The following ZNF425 variants were observed in gnomAD, a reference collection of about 807,000 sequenced individuals.
ZNF425 encodes the protein zinc finger protein 425.
A neutral mutation model predicts 17.0 loss-of-function variants in ZNF425; 21 were observed. The observed-to-expected ratio is 1.23, with a 90% CI of 0.88 to 1.78. ZNF425 has a LOEUF of 1.78. Among genes scored for constraint, ZNF425 ranks in the 40% most tolerant of loss-of-function variants. The probability of loss-of-function intolerance (pLI) is 0.00; values close to 1 mark genes in which losing one functional copy is unlikely to be tolerated. For synonymous variants in ZNF425, 433 were observed against 384.1 expected, an observed-to-expected ratio of 1.13 and a Z score of -1.49; for missense variants, 868 against 967.3, an observed-to-expected ratio of 0.90 and a Z score of 1.36.
At position 149,105,988 on chromosome 7, in the gene ZNF425, C is replaced by T. The variant is rs186395328; in HGVS notation, c.305-422G>A. The stretch of plus-strand genomic sequence containing the variant: ...TTTTTTTTTTTGAGACGGAGTATTA[C>T]TCTGTCGCCCAGGCTGGAGTGCAGT... On this transcript the variant is annotated intron_variant, in intron 3 of 3. Transcript: ENST00000378061. 9.3e-4 allele frequency among the ~76,000 whole-genome samples: 109 copies of T among 117,000 alleles called. 3 individuals are homozygous for T. In the East Asian group the frequency reaches 0.029, roughly 32 times the overall value. The allele number at this position is 117,000 out of a possible 152,430, so 76.8% of individuals were successfully genotyped here. A position where few individuals can be genotyped will look rare whatever the true frequency, so the allele number is the denominator to read the frequency against.
intron 2 of ZNF425, among the ~76,000 whole-genome samples, chr7:149,114,364 G>A (rs1385983105): frequency 5.1e-5 from 7 of 136,642 alleles, no homozygotes; most frequent in South Asian, 2.3e-4. Context: ...GAGCCACTGC[G>A]CCCAGCCTTT....
chr7:149,121,619 T>A (rs2129518591), intron 1 of ZNF425, among the ~76,000 whole-genome samples: 1 of 152,302 alleles, frequency 6.6e-6, no homozygotes. Flanking sequence ...CTTGAACTCC[T>A]GATCTTGTGA....
At position 149,118,204 on chromosome 7, in the gene ZNF425, C is replaced by T. The variant is rs1377060710; in HGVS notation, c.145+18G>A. On this transcript the variant is annotated intron_variant, in intron 2 of 3. Transcript: ENST00000378061. ...TAGGTTGGTTCCTAAAAAGTGATTCCTTAGAAGCTCATCTTACCCAGGGAA... is the reference window on the plus strand; with the variant it reads ...TAGGTTGGTTCCTAAAAAGTGATTCTTTAGAAGCTCATCTTACCCAGGGAA... The T allele has an allele frequency of 6.2e-7, 1 of 1,613,768 alleles. No homozygotes were observed. Among genetic ancestry groups the T allele is most frequent in the African/African-American group, 1.3e-5 (1 of 74,892 alleles).
intron 2 of ZNF425, among the ~76,000 whole-genome samples, chr7:149,117,687 C>T (rs1826289050): frequency 2.1e-5 from 2 of 96,538 alleles, no homozygotes; most frequent in African/African-American, 4.1e-5. Flanking sequence ...GACTCTTGCT[C>T]TGTTGCCCAG....
At chr7:149,106,735 A>G (rs1426006688) in intron 3 of ZNF425, among the ~76,000 whole-genome samples, 1 of 152,192 alleles carries the variant, frequency 6.6e-6, no homozygotes, top group Non-Finnish European at 1.5e-5. Context: ...ACTATAGGGT[A>G]AGCAGAAGTT....
intron 3 of ZNF425, among the ~76,000 whole-genome samples, chr7:149,109,591 T>C (rs1268903587): frequency 6.6e-6 from 1 of 152,190 alleles, no homozygotes; most frequent in Non-Finnish European, 1.5e-5. Flanking sequence ...GATTACTTAA[T>C]ATTTTATTAA....
chr7:149,108,943 A>C (rs1426138418), intron 3 of ZNF425, among the ~76,000 whole-genome samples: 1 of 152,100 alleles, frequency 6.6e-6, no homozygotes, highest in African/African-American at 2.4e-5. Flanking sequence ...GGATGAAGTC[A>C]AACTTTCCAC....
At chr7:149,114,922 CTTTCT>C (rs1826235830) in intron 2 of ZNF425, among the ~76,000 whole-genome samples, 45 of 133,854 alleles carry the variant, frequency 3.4e-4, no homozygotes, top group African/African-American at 1.3e-3. Flanking sequence ...TTTTTCTTTT[CTTTCT>C]TTTCTTTTTT....
intron 1 of ZNF425, among the ~76,000 whole-genome samples, chr7:149,124,404 C>G (rs1247139242): frequency 6.6e-6 from 1 of 152,200 alleles, no homozygotes; most frequent in African/African-American, 2.4e-5. Flanking sequence ...ATCCGCCCGT[C>G]TTGGCCACCC....
At chr7:149,110,669 T>G (rs568116019) in intron 3 of ZNF425, among the ~76,000 whole-genome samples, 1 of 152,174 alleles carries the variant, frequency 6.6e-6, no homozygotes, top group South Asian at 2.1e-4. Context: ...AGTTTTAAAG[T>G]TCTGTATAAT....
At chr7:149,119,132 G>A (rs1826311934) in intron 1 of ZNF425, among the ~76,000 whole-genome samples, 2 of 133,976 alleles carry the variant, frequency 1.5e-5, no homozygotes, top group Admixed American at 8.0e-5. Flanking sequence ...TTTTTTTTGA[G>A]ATGGAGTCTC....
intron 2 of ZNF425, 198 bp from the exon 3 acceptor site, chr7:149,112,493 C>T (rs1449266081): frequency 2.9e-5 from 14 of 477,138 alleles, no homozygotes; most frequent in Non-Finnish European, 4.8e-5. Flanking sequence ...ATTAGCTGGG[C>T]GTGGTAGCAC....
At chr7:149,107,341 A>ATTT (rs1318108441) in intron 3 of ZNF425, among the ~76,000 whole-genome samples, 3 of 123,306 alleles carry the variant, frequency 2.4e-5, no homozygotes, top group Admixed American at 7.9e-5. Context: ...TTATTTATTT[A>ATTT]TTTATTTTTT....
chr7:149,114,744 A>G (rs112192837), intron 2 of ZNF425, among the ~76,000 whole-genome samples: 6,677 of 150,420 alleles, frequency 0.044, 510 homozygotes, highest in African/African-American at 0.15. Flanking sequence ...TAAGGATGAT[A>G]TGGATTTAAA....
chr7:149,110,919 C>T (rs891656190), intron 3 of ZNF425, among the ~76,000 whole-genome samples: 3 of 151,492 alleles, frequency 2.0e-5, no homozygotes, highest in East Asian at 4.0e-4. Flanking sequence ...CTCAGCCTCG[C>T]GAGTAGCTGG....
In ZNF425 at chr7:149,117,045, G is replaced by A. The variant is rs141077186; in HGVS notation, c.145+1177C>T. 4.6e-5 allele frequency among the ~76,000 whole-genome samples: 7 copies of A among 152,076 alleles called. No homozygotes were observed. The East Asian group carries it at 1.2e-3, about 25-fold the overall frequency. On this transcript the variant is annotated intron_variant, in intron 2 of 3. Coordinates refer to ENST00000378061, the MANE Select transcript of ZNF425 (RefSeq NM_001001661.3). ...TGGGAGGCTGAGGTGAGCAGATCAC[G>A]AGGTCAGGAGTTCGAGACCAGCCTG... is the stretch of plus-strand genomic sequence containing the variant.
intron 1 of ZNF425, among the ~76,000 whole-genome samples, chr7:149,121,584 G>A (rs1585491536): frequency 6.6e-6 from 1 of 151,984 alleles, no homozygotes; most frequent in African/African-American, 2.4e-5. Flanking sequence ...TAGAAATGGG[G>A]TTTCACTATG....
intron 3 of ZNF425, among the ~76,000 whole-genome samples, chr7:149,107,070 G>A (rs1826092006): frequency 6.8e-6 from 1 of 146,074 alleles, no homozygotes; most frequent in Admixed American, 7.1e-5. Flanking sequence ...TCACACCACT[G>A]TACTCCAGCC....
intron 1 of ZNF425, among the ~76,000 whole-genome samples, chr7:149,123,889 C>A (rs1355097657): frequency 2.6e-5 from 4 of 150,950 alleles, no homozygotes; most frequent in African/African-American, 9.7e-5. Flanking sequence ...GCTCTTTCGC[C>A]CAGACTGGAG....
Sources: gnomAD v4.1 joint callset for allele counts (sites outside exome capture counted in the v4.1 genomes callset) on GRCh38, gnomAD v4.1.1 for gene constraint, MANE v1.5 for transcripts, NCBI Gene and HGNC (gene_info 2026-07-23, HGNC 2026-07-21) for gene names.